Variants in CLCN4 observed in about 807,000 individuals in gnomAD.
CLCN4 encodes H(+)/Cl(-) exchange transporter 4.
CLCN4 carries 1 observed loss-of-function variant against 41.7 expected under a neutral mutation model. The observed-to-expected ratio is 0.02, with a 90% CI of 0.01 to 0.11. The LOEUF is 0.11. Among genes scored for constraint, CLCN4 ranks in the 10% least tolerant of loss-of-function variants. CLCN4 has a pLI of 1.00. For missense variants in CLCN4, 287 were observed against 661.0 expected (o/e 0.43, Z 6.20); for synonymous variants, 277 against 285.8 (o/e 0.97, Z 0.31).
intron 5 of CLCN4, among the ~76,000 whole-genome samples, chrX:10,197,411 A>G (rs1924124860): frequency 9.0e-6 from 1 of 111,384 alleles, no homozygotes; most frequent in African/African-American, 3.3e-5. Context: ...GAGAGTCTGC[A>G]TGTCTCATAA....
At chrX:10,187,459 A>G (rs1450025785) in intron 3 of CLCN4, 56 bp from the exon 4 acceptor site, 3 of 914,247 alleles carry the variant, frequency 3.3e-6, no homozygotes, top group Non-Finnish European at 1.6e-6. Context: ...TTTCAAGGAA[A>G]AAAGCATGAA....
intron 2 of CLCN4, among the ~76,000 whole-genome samples, chrX:10,160,912 G>T (rs1191985601): frequency 1.8e-5 from 2 of 111,030 alleles, no homozygotes; most frequent in South Asian, 7.6e-4. Flanking sequence ...GGGGAGGGAC[G>T]GATGGAAGTG....
chrX:10,183,569 T>C (rs924804074), intron 2 of CLCN4, among the ~76,000 whole-genome samples: 2 of 112,257 alleles, frequency 1.8e-5, no homozygotes, highest in African/African-American at 6.5e-5. Flanking sequence ...TTATGCATAT[T>C]CCAACCTCTT....
At chrX:10,228,896 C>T (rs1178892221) in intron 12 of CLCN4, among the ~76,000 whole-genome samples, 1 of 111,574 alleles carries the variant, frequency 9.0e-6, no homozygotes, top group Non-Finnish European at 1.9e-5. Flanking sequence ...GTCCCCCCTC[C>T]ACAGGAGACA....
intron 2 of CLCN4, among the ~76,000 whole-genome samples, chrX:10,160,664 A>G (rs768723758): frequency 8.1e-5 from 9 of 111,638 alleles, no homozygotes; most frequent in Non-Finnish European, 1.7e-4. Context: ...TGAGGACGAG[A>G]GGGTGGTAAT....
chrX:10,186,524 G>C (rs1923815991), intron 3 of CLCN4, among the ~76,000 whole-genome samples: 2 of 111,583 alleles, frequency 1.8e-5, no homozygotes, highest in Admixed American at 1.9e-4. Context: ...CCAGCGGCAT[G>C]GGGGCTGGCG....
chrX:10,233,514 C>T lies in CLCN4; in HGVS notation c.2213C>T (p.Thr738Ile). Reference sequence around the variant, plus strand: ...TCCAGGAGACTTCTTGGCATCATCACAAAAAAGGATGTTCTGAGACATATG... The same window carrying T: ...TCCAGGAGACTTCTTGGCATCATCATAAAAAAGGATGTTCTGAGACATATG... ...TRSGRLLGII[T>I]KKDVLRHMAQ... Residue 738 changes from threonine (T) to isoleucine (I), a missense_variant, in exon 13 of 13, where the codon ACA becomes ATA. Around this residue, in one of 6 missense-constraint regions of CLCN4, gnomAD observed 14 missense variants for 50.0 expected, o/e 0.28. Transcript: ENST00000380833. 8.3e-7 allele frequency: 1 copy of T among 1,208,784 alleles called. No homozygotes were observed. Among genetic ancestry groups the T allele is most frequent in the Non-Finnish European group, 1.1e-6 (1 of 893,030 alleles).
chrX:10,194,832 C>A, intron 4 of CLCN4, 79 bp from the exon 5 acceptor site: 1 of 1,024,062 alleles, frequency 9.8e-7, no homozygotes, highest in Non-Finnish European at 1.4e-6. Flanking sequence ...TGATGTGCCC[C>A]TGTCTGGCCG....
intron 2 of CLCN4, among the ~76,000 whole-genome samples, chrX:10,173,709 C>T (rs191652295): frequency 9.8e-5 from 11 of 112,147 alleles, no homozygotes; most frequent in Non-Finnish European, 1.9e-4. Context: ...CTCAGCCATG[C>T]CCCAGACCTG....
intron 2 of CLCN4, among the ~76,000 whole-genome samples, chrX:10,176,397 CTGTACAATGGCA>C (rs1468323553): frequency 8.9e-6 from 1 of 112,951 alleles, no homozygotes; most frequent in African/African-American, 3.2e-5. Flanking sequence ...GGCTGCTCTG[CTGTACAATGGCA>C]CAGTCCAGTA....
intron 11 of CLCN4, among the ~76,000 whole-genome samples, chrX:10,215,092 C>T (rs752140759): frequency 8.9e-6 from 1 of 112,045 alleles, no homozygotes; most frequent in South Asian, 3.7e-4. Context: ...GGGCCCATGG[C>T]GTGGCTCCCA....
intron 2 of CLCN4, among the ~76,000 whole-genome samples, chrX:10,172,632 A>C (rs1429657774): frequency 9.4e-6 from 1 of 106,576 alleles, no homozygotes; most frequent in Non-Finnish European, 1.9e-5. Context: ...GGAATGGGAA[A>C]GTGTGTGTGT....
chrX:10,217,814 C>G (rs1325363793), intron 11 of CLCN4, among the ~76,000 whole-genome samples: 1 of 108,274 alleles, frequency 9.2e-6, no homozygotes, highest in African/African-American at 3.4e-5. Context: ...GACATCTCGG[C>G]TCACCCCAGC....
At chrX:10,184,975 C>T (rs775440939) in intron 2 of CLCN4, 47 bp from the exon 3 acceptor site, 1 of 1,075,654 alleles carries the variant, frequency 9.3e-7, no homozygotes, top group South Asian at 2.3e-5. Flanking sequence ...CTTGCATGGC[C>T]ATGGCATGTC....
In CLCN4 at chrX:10,220,804, C is replaced by T; in HGVS notation, c.2119C>T (p.His707Tyr). The change falls in exon 12 of 13, where the codon CAC (histidine) becomes TAC (tyrosine). Residue 707 changes from histidine to tyrosine, a missense_variant. His to Tyr is a moderately conservative substitution (Grantham distance 83). Coordinates refer to ENST00000380833, the MANE Select transcript of CLCN4 (RefSeq NM_001830.4). Reference protein sequence around the residue: ...LNLSPFTVTDHTPMETVVDIF... With the variant: ...LNLSPFTVTDYTPMETVVDIF... ...CCTCAGCCCGTTTACAGTGACAGAC[C>T]ACACTCCGATGGAAACGGTGGTGGA... The T allele has an allele frequency of 8.3e-7, 1 of 1,211,884 alleles. No homozygotes were observed. Among genetic ancestry groups the T allele is most frequent in the Non-Finnish European group, 1.1e-6 (1 of 895,473 alleles).
intron 11 of CLCN4, among the ~76,000 whole-genome samples, chrX:10,215,020 G>A (rs980734908): frequency 1.8e-5 from 2 of 111,907 alleles, no homozygotes; most frequent in East Asian, 2.8e-4. Context: ...GCACATCCAC[G>A]GGCACGCTCA....
intron 6 of CLCN4, among the ~76,000 whole-genome samples, chrX:10,206,079 G>T (rs1257246056): frequency 8.9e-6 from 1 of 111,835 alleles, no homozygotes; most frequent in Admixed American, 9.5e-5. Flanking sequence ...ATGTGAACAG[G>T]ATAAAATGCC....
intron 2 of CLCN4, among the ~76,000 whole-genome samples, chrX:10,175,753 A>G (rs1246735169): frequency 9.0e-6 from 1 of 110,972 alleles, no homozygotes; most frequent in Non-Finnish European, 1.9e-5. Context: ...GCGCTATGGT[A>G]TGATCATATT....
chrX:10,206,214 T>A, intron 6 of CLCN4, 144 bp from the exon 7 acceptor site: 1 of 460,838 alleles, frequency 2.2e-6, no homozygotes, highest in Non-Finnish European at 3.7e-6. Context: ...AAAATTATAG[T>A]TAAATCAAAA....
Sources: gnomAD v4.1 joint callset for allele counts (sites outside exome capture counted in the v4.1 genomes callset) on GRCh38, gnomAD v4.1.1 for gene constraint, gnomAD v4.1.1 regional missense constraint, MANE v1.5 for transcripts, NCBI Gene and HGNC (gene_info 2026-07-23, HGNC 2026-07-21) for gene names.